SLC14A2: variants seen among roughly 807,000 people sequenced by gnomAD.
SLC14A2 encodes the protein urea transporter 2.
In SLC14A2, 91 loss-of-function variants were observed where a neutral mutation model predicts 104.6. The ratio of observed to expected loss-of-function variants is 0.87; its 90% CI spans 0.73 to 1.04. The LOEUF is 1.04. Ranked by LOEUF, SLC14A2 falls within the 50% of genes least tolerant of loss-of-function variation. The pLI, the probability that SLC14A2 is intolerant of heterozygous loss-of-function variation, is 0.00. For synonymous variants in SLC14A2, 476 were observed against 466.4 expected, an observed-to-expected ratio of 1.02 and a Z score of -0.27; for missense variants, 1,189 against 1,156.0, an observed-to-expected ratio of 1.03 and a Z score of -0.41.
intron 1 of SLC14A2, among the ~76,000 whole-genome samples, chr18:45,320,805 A>G (rs1334461613): frequency 6.6e-6 from 1 of 152,150 alleles, no homozygotes; most frequent in Non-Finnish European, 1.5e-5. Context: ...GAACCCCCCA[A>G]AATTCAGTGG....
At chr18:45,584,906 G>A (rs771683907) in intron 2 of SLC14A2, among the ~76,000 whole-genome samples, 11 of 152,182 alleles carry the variant, frequency 7.2e-5, no homozygotes, top group Admixed American at 1.3e-4. Context: ...AGATCTTAGT[G>A]GGAGATTCAC....
At chr18:45,435,646 G>A (rs935378226) in intron 1 of SLC14A2, among the ~76,000 whole-genome samples, 9 of 152,102 alleles carry the variant, frequency 5.9e-5, no homozygotes, top group African/African-American at 2.2e-4. Flanking sequence ...GCCTTTGGCT[G>A]GGACATAAAC....
intron 1 of SLC14A2, among the ~76,000 whole-genome samples, chr18:45,392,965 G>A (rs2085988048): frequency 6.6e-6 from 1 of 152,146 alleles, no homozygotes; most frequent in South Asian, 2.1e-4. Flanking sequence ...ATTGTTTAAT[G>A]TCAGTTTTAT....
chr18:45,199,442 T>A, the SLC14A2 span, among the ~76,000 whole-genome samples: 2 of 152,310 alleles, frequency 1.3e-5, no homozygotes, highest in East Asian at 3.9e-4. Flanking sequence ...TCTGTCTTCA[T>A]CCTGGAAAAT....
intron 2 of SLC14A2, among the ~76,000 whole-genome samples, chr18:45,489,738 A>T (rs74391888): frequency 0.074 from 11,304 of 152,172 alleles, 552 homozygotes; most frequent in East Asian, 0.22. Flanking sequence ...GATGCAAAAC[A>T]CTGGAAGTTT....
intron 2 of SLC14A2, among the ~76,000 whole-genome samples, chr18:45,511,438 G>A (rs984947077): frequency 1.3e-5 from 2 of 152,074 alleles, no homozygotes; most frequent in South Asian, 2.1e-4. Context: ...CCCCTAAGTC[G>A]ACTCTTACTC....
intron 5 of SLC14A2, among the ~76,000 whole-genome samples, chr18:45,634,197 T>C (rs769695002): frequency 9.2e-5 from 14 of 152,238 alleles, no homozygotes; most frequent in Non-Finnish European, 1.5e-4. Flanking sequence ...ATAGGGTAGG[T>C]ATTTGTAGTG....
intron 1 of SLC14A2, among the ~76,000 whole-genome samples, chr18:45,382,989 G>A (rs980079856): frequency 3.9e-5 from 6 of 152,206 alleles, no homozygotes; most frequent in African/African-American, 1.4e-4. Context: ...AGGATTCTAA[G>A]TGTTGTTCAG....
intron 1 of SLC14A2, among the ~76,000 whole-genome samples, chr18:45,461,610 A>G (rs1200340668): frequency 1.3e-5 from 2 of 152,168 alleles, no homozygotes; most frequent in African/African-American, 4.8e-5. Context: ...CTGAAGCAAA[A>G]TCCATGTGCA....
intron 2 of SLC14A2, chr18:45,542,115 T>A (rs538319177): frequency 1.4e-5 from 2 of 145,184 alleles, no homozygotes; most frequent in African/African-American, 5.1e-5. Flanking sequence ...AAGTCTGGCT[T>A]AGGTTTTCAG....
intron 1 of SLC14A2, among the ~76,000 whole-genome samples, chr18:45,240,092 T>G (rs890729302): frequency 1.6e-5 from 1 of 60,804 alleles, no homozygotes; most frequent in Non-Finnish European, 3.0e-5. Context: ...CAAATATCTC[T>G]TTTTTTTTTT....
chr18:45,610,971 A>G (rs1481255266), upstream of SLC14A2, among the ~76,000 whole-genome samples: 2 of 152,172 alleles, frequency 1.3e-5, no homozygotes, highest in African/African-American at 4.8e-5. Flanking sequence ...GCCTGCGATG[A>G]CCCTAAAACA....
intron 1 of SLC14A2, among the ~76,000 whole-genome samples, chr18:45,423,158 C>T (rs2086372550): frequency 6.6e-6 from 1 of 152,188 alleles, no homozygotes; most frequent in Admixed American, 6.5e-5. Context: ...TTTCAAATAG[C>T]TCATTATTTA....
chr18:45,617,295 G>C (rs2045089358), intron 1 of SLC14A2, among the ~76,000 whole-genome samples: 1 of 152,110 alleles, frequency 6.6e-6, no homozygotes, highest in Non-Finnish European at 1.5e-5. Flanking sequence ...TAGATTCTCA[G>C]CTGCAGAACC....
intron 2 of SLC14A2, among the ~76,000 whole-genome samples, chr18:45,575,060 C>A (rs1427099227): frequency 2.0e-5 from 3 of 152,162 alleles, no homozygotes; most frequent in Non-Finnish European, 4.4e-5. Flanking sequence ...AATTGCAGAT[C>A]CCAGGTAACC....
chr18:45,671,696 G>A (rs1310595808), intron 16 of SLC14A2, among the ~76,000 whole-genome samples: 4 of 152,182 alleles, frequency 2.6e-5, no homozygotes, highest in Admixed American at 6.5e-5. Flanking sequence ...CCTGTCTCCT[G>A]TACACACTCA....
intron 1 of SLC14A2, among the ~76,000 whole-genome samples, chr18:45,329,924 TATC>T (rs1375768052): frequency 6.6e-6 from 1 of 152,226 alleles, no homozygotes; most frequent in Non-Finnish European, 1.5e-5. Flanking sequence ...GTAAACCTAT[TATC>T]ATCCTTGCTA....
At chr18:45,203,080 T>A in the SLC14A2 span, among the ~76,000 whole-genome samples, 1 of 152,034 alleles carries the variant, frequency 6.6e-6, no homozygotes, top group Admixed American at 6.6e-5. Flanking sequence ...TCCTCACATA[T>A]CACTTGGCCA....
intron 1 of SLC14A2, among the ~76,000 whole-genome samples, chr18:45,295,978 G>A (rs2084914820): frequency 2.0e-5 from 3 of 152,100 alleles, no homozygotes; most frequent in Admixed American, 6.5e-5. Flanking sequence ...GAATCTAGTA[G>A]GTAGTGAGTA....
Sources: allele counts gnomAD v4.1 joint callset (sites outside exome capture counted in the v4.1 genomes callset), GRCh38; gene constraint gnomAD v4.1.1; transcripts MANE v1.5; gene names NCBI Gene and HGNC (gene_info 2026-07-23, HGNC 2026-07-21).